Variants in KIAA0319 observed in about 807,000 individuals in gnomAD.
The protein encoded by KIAA0319 is dyslexia-associated protein KIAA0319.
A neutral mutation model predicts 108.4 loss-of-function variants in KIAA0319; 83 were observed. The ratio of observed to expected loss-of-function variants is 0.77; its 90% confidence interval spans 0.64 to 0.92. The LOEUF (loss-of-function observed/expected upper bound fraction) is 0.92. KIAA0319 is among the 40% of genes least tolerant of loss of function. The probability of loss-of-function intolerance (pLI) is 0.00; values close to 1 mark genes in which losing one functional copy is unlikely to be tolerated. For missense variants in KIAA0319, 1,195 were observed against 1,322.4 expected, an observed-to-expected ratio of 0.90 and a Z score of 1.49; for synonymous variants, 484 against 510.4, an observed-to-expected ratio of 0.95 and a Z score of 0.70.
At chr6:24,592,887 G>A (rs1768734936) in intron 3 of KIAA0319, among the ~76,000 whole-genome samples, 1 of 152,116 alleles carries the variant, frequency 6.6e-6, no homozygotes, top group African/African-American at 2.4e-5. Flanking sequence ...TGGGAGGACT[G>A]CCTGAGCCCA....
chr6:24,545,582 A>G lies in KIAA0319; in HGVS notation c.*1583T>C, dbSNP rs976832316. On this transcript the variant is annotated 3_prime_UTR_variant, in exon 21 of 21. Transcript: ENST00000378214. ...CACTATAGACAGTATTGAATTGGCT[A>G]GTTATACAGAAAGTGTAGGCATAAG... 6.6e-6 allele frequency: 1 copy of G among 152,228 alleles called. No homozygotes were observed. The highest frequency in any genetic ancestry group is 2.1e-4 in the South Asian group (1 of 4,836). 9.4% of individuals were successfully genotyped at this position (152,228 alleles called of 1,614,324 possible). A position where few individuals can be genotyped will look rare whatever the true frequency, so the allele number is the denominator to read the frequency against.
At chr6:24,563,295 T>G (rs1425120068) in intron 16 of KIAA0319, 64 bp downstream of exon 16, 1 of 1,523,754 alleles carries the variant, frequency 6.6e-7, no homozygotes, top group Non-Finnish European at 8.9e-7. Context: ...TCTACTGGAC[T>G]GGGATGAGGT....
intron 1 of KIAA0319, among the ~76,000 whole-genome samples, chr6:24,634,122 A>G (rs1038692803): frequency 1.3e-5 from 2 of 152,260 alleles, no homozygotes; most frequent in African/African-American, 4.8e-5. Context: ...TTCTCCAAAT[A>G]GCATTTATTT....
At chr6:24,627,203 G>A (rs145737039) in intron 1 of KIAA0319, among the ~76,000 whole-genome samples, 23 of 152,322 alleles carry the variant, frequency 1.5e-4, no homozygotes, top group African/African-American at 5.3e-4. Context: ...TTGTTCCCAT[G>A]TTGTTAGATC....
Position 24,567,657 on chromosome 6 carries a change from C to T in KIAA0319, c.2141-909G>A, listed in dbSNP as rs539095628. ...TTGAGGCTGCAATGAGCTATGATCA[C>T]AGCACAGTACTCCAGTCCGAGCAAC... On this transcript the variant is annotated intron_variant, in intron 13 of 20. Coordinates refer to ENST00000378214, the MANE Select transcript of KIAA0319 (RefSeq NM_014809.4). 9.2e-5 allele frequency among the ~76,000 whole-genome samples: 14 copies of T among 152,258 alleles called. No individual in the cohort carries two copies. In the South Asian group the frequency reaches 1.0e-3, roughly 11 times the overall value.
rs763108267 is a variant in KIAA0319, at chr6:24,576,384, T to G, written c.1718A>C (p.Lys573Thr). The G allele has an allele frequency of 6.2e-7, 1 of 1,614,054 alleles. No individual in the cohort carries two copies. Among genetic ancestry groups the G allele is most frequent in the Admixed American group, 1.7e-5 (1 of 60,012 alleles). The change falls in exon 10 of 21, where the codon AAA becomes ACA. Residue 573 changes from lysine to threonine, a missense_variant. Physicochemically the swap from Lys to Thr is moderately conservative, Grantham distance 78 (BLOSUM62 -1). Transcript: ENST00000378214. ...AGAACTTGCCTGCATGACCACATGT[T>G]TGCCCTCACTCCCAGGACCCAGGGA... ...EWSLGPGSEG[K>T]HVVMQGVQTP...
At chr6:24,596,975 C>CACT (rs1286852026) in intron 2 of KIAA0319, among the ~76,000 whole-genome samples, 3 of 151,870 alleles carry the variant, frequency 2.0e-5, no homozygotes, top group African/African-American at 7.3e-5. Flanking sequence ...ATCCATCCAC[C>CACT]CTCCCATCCA....
chr6:24,636,075 G>A (rs1776168196), intron 1 of KIAA0319, among the ~76,000 whole-genome samples: 1 of 152,128 alleles, frequency 6.6e-6, no homozygotes, highest in Non-Finnish European at 1.5e-5. Context: ...GCCTCTTTAT[G>A]GGGACTTTGC....
chr6:24,573,031 G>A (rs1444040179), intron 10 of KIAA0319, among the ~76,000 whole-genome samples: 1 of 152,154 alleles, frequency 6.6e-6, no homozygotes, highest in Non-Finnish European at 1.5e-5. Flanking sequence ...TGAGGCACGA[G>A]AATCACTTGG....
intron 1 of KIAA0319, among the ~76,000 whole-genome samples, chr6:24,619,673 T>A (rs1381418413): frequency 2.6e-5 from 4 of 151,776 alleles, no homozygotes; most frequent in Non-Finnish European, 5.9e-5. Context: ...GCTTGAGGGA[T>A]GAACTTGAGT....
intron 1 of KIAA0319, among the ~76,000 whole-genome samples, chr6:24,634,095 C>T (rs981841262): frequency 6.6e-6 from 1 of 152,162 alleles, no homozygotes; most frequent in Admixed American, 6.5e-5. Context: ...TCAAGTTCCA[C>T]AGAGTAAAAA....
intron 4 of KIAA0319, among the ~76,000 whole-genome samples, chr6:24,586,754 C>A: frequency 6.6e-6 from 1 of 151,672 alleles, no homozygotes; most frequent in Admixed American, 6.6e-5. Context: ...TCTTGTTAAT[C>A]TATCTTTTGT....
At chr6:24,612,288 C>CA (rs1385860809) in intron 1 of KIAA0319, among the ~76,000 whole-genome samples, 1 of 151,700 alleles carries the variant, frequency 6.6e-6, no homozygotes, top group Non-Finnish European at 1.5e-5. Context: ...CTCATCTCCA[C>CA]AAAAAATAAA....
At chr6:24,551,591 G>T in intron 19 of KIAA0319, 66 bp from the exon 20 acceptor site, 1 of 1,088,932 alleles carries the variant, frequency 9.2e-7, no homozygotes, top group Non-Finnish European at 1.4e-6. Flanking sequence ...AGGATTTAAC[G>T]CACAGTAAAG....
At chr6:24,636,319 A>T (rs1776194978) in intron 1 of KIAA0319, among the ~76,000 whole-genome samples, 1 of 152,274 alleles carries the variant, frequency 6.6e-6, no homozygotes, top group Admixed American at 6.5e-5. Flanking sequence ...AGCACTGGGC[A>T]TTCAATGACC....
At chr6:24,592,612 A>G (rs1768677882) in intron 3 of KIAA0319, among the ~76,000 whole-genome samples, 1 of 152,136 alleles carries the variant, frequency 6.6e-6, no homozygotes, top group African/African-American at 2.4e-5. Context: ...TTTTGTGAAC[A>G]CTTATTCAGA....
chr6:24,612,441 A>G (rs1311310502), intron 1 of KIAA0319, among the ~76,000 whole-genome samples: 1 of 152,182 alleles, frequency 6.6e-6, no homozygotes, highest in Non-Finnish European at 1.5e-5. Context: ...ACAGAGTGAG[A>G]CCCTGTCTAC....
rs1036123185 is a variant in KIAA0319 at position 24,596,896 on chromosome 6, CATCT to C, written c.56-282_56-279del. Among the ~76,000 whole-genome samples the C allele has an allele frequency of 3.3e-5, 5 of 152,020 alleles. No homozygotes were observed. The South Asian group carries it at 8.3e-4, about 25-fold the overall frequency. Reference sequence around the variant, plus strand: ...CTATCTTTCCACCTTTCTACCCATCCATCTATCCATCCTTTCACCCACATACTCA... The same window carrying C: ...CTATCTTTCCACCTTTCTACCCATCCATCCATCCTTTCACCCACATACTCA... On this transcript the variant is annotated intron_variant, in intron 2 of 20. Coordinates refer to ENST00000378214, the MANE Select transcript of KIAA0319 (RefSeq NM_014809.4).
intron 2 of KIAA0319, chr6:24,600,642 G>A: frequency 6.5e-7 from 1 of 1,533,776 alleles, no homozygotes; most frequent in Non-Finnish European, 8.7e-7. Context: ...GCCCAGTCTA[G>A]TCATGGGTCT....
Sources: allele counts gnomAD v4.1 joint callset (sites outside exome capture counted in the v4.1 genomes callset), GRCh38; gene constraint gnomAD v4.1.1; transcripts MANE v1.5; gene names NCBI Gene and HGNC (gene_info 2026-07-23, HGNC 2026-07-21).